GULP1: variants seen among roughly 807,000 people sequenced by gnomAD.
GULP1 encodes PTB domain-containing engulfment adapter protein 1.
Under a neutral mutation model 40.9 loss-of-function variants are expected in GULP1, and 19 were observed. That is an observed-to-expected ratio of 0.46 (90% CI 0.32 to 0.68). The LOEUF (loss-of-function observed/expected upper bound fraction) is 0.68, where lower values mean the gene tolerates loss of function less well. GULP1 is among the 30% of genes least tolerant of loss of function. The probability of loss-of-function intolerance (pLI) is 0.03; values close to 1 mark genes in which losing one functional copy is unlikely to be tolerated. For synonymous variants in GULP1, 119 were observed against 117.6 expected (o/e 1.01, Z -0.08); for missense variants, 312 against 362.2 (o/e 0.86, Z 1.12).
At chr2:188,413,649 G>A (rs1328717682) in intron 2 of GULP1, among the ~76,000 whole-genome samples, 2 of 152,156 alleles carry the variant, frequency 1.3e-5, no homozygotes, top group Non-Finnish European at 1.5e-5. Flanking sequence ...TTTCCTAACA[G>A]CATGTAAGCT....
chr2:188,404,515 C>A (rs535188646), intron 2 of GULP1, among the ~76,000 whole-genome samples: 2 of 152,100 alleles, frequency 1.3e-5, no homozygotes, highest in African/African-American at 4.8e-5. Flanking sequence ...CCCAGGAAAA[C>A]CCAGTGTTGG....
At position 188,333,527 on chromosome 2, in the gene GULP1, C is replaced by G. The variant is rs193270512; in HGVS notation, c.-172+41361C>G. Reference sequence around the variant, plus strand: ...TGTACAGCATCTCTTAATCTGTAAACTCTTATCTTCTCTTTTCTAATCACC... The same window carrying G: ...TGTACAGCATCTCTTAATCTGTAAAGTCTTATCTTCTCTTTTCTAATCACC... On this transcript the variant is annotated intron_variant, in intron 1 of 11. Coordinates refer to ENST00000409830, the MANE Select transcript of GULP1 (RefSeq NM_016315.4). 3.3e-5 allele frequency among the ~76,000 whole-genome samples: 5 copies of G among 152,202 alleles called. No homozygotes were observed. In the East Asian group the frequency reaches 9.7e-4, roughly 30 times the overall value.
intron 2 of GULP1, among the ~76,000 whole-genome samples, chr2:188,406,935 A>G (rs1277081854): frequency 6.6e-6 from 1 of 152,110 alleles, no homozygotes; most frequent in Non-Finnish European, 1.5e-5. Context: ...ATAAATCCAA[A>G]TAAAAGTATA....
At chr2:188,518,111 T>C (rs996701332) in intron 4 of GULP1, among the ~76,000 whole-genome samples, 1 of 152,120 alleles carries the variant, frequency 6.6e-6, no homozygotes, top group Non-Finnish European at 1.5e-5. Context: ...TGGGTTTATA[T>C]ACTAGACTGT....
At chr2:188,508,585 C>G (rs2064168359) in intron 4 of GULP1, among the ~76,000 whole-genome samples, 1 of 151,908 alleles carries the variant, frequency 6.6e-6, no homozygotes, top group South Asian at 2.1e-4. Flanking sequence ...TGTCAGGACC[C>G]CACCATATTT....
At chr2:188,454,438 A>G (rs1449450755) in intron 2 of GULP1, among the ~76,000 whole-genome samples, 2 of 152,164 alleles carry the variant, frequency 1.3e-5, no homozygotes, top group Non-Finnish European at 2.9e-5. Flanking sequence ...AAGGATAGGT[A>G]TATGTAAAAT....
intron 1 of GULP1, among the ~76,000 whole-genome samples, chr2:188,336,464 G>A (rs1239011177): frequency 6.6e-6 from 1 of 152,156 alleles, no homozygotes; most frequent in East Asian, 1.9e-4. Context: ...CATCAAAAAG[G>A]ACAGACAAGA....
chr2:188,323,431 G>A (rs2040284314), intron 1 of GULP1, among the ~76,000 whole-genome samples: 1 of 151,898 alleles, frequency 6.6e-6, no homozygotes, highest in South Asian at 2.1e-4. Flanking sequence ...TCCACTCTTT[G>A]CATGCACAGT....
chr2:188,393,559 G>T (rs1456661953), intron 2 of GULP1, among the ~76,000 whole-genome samples: 7 of 151,924 alleles, frequency 4.6e-5, no homozygotes, highest in African/African-American at 1.4e-4. Flanking sequence ...GGAACATTAA[G>T]GCCATTTATG....
chr2:188,401,698 C>G (rs1359551426), intron 2 of GULP1, among the ~76,000 whole-genome samples: 1 of 152,024 alleles, frequency 6.6e-6, no homozygotes, highest in African/African-American at 2.4e-5. Flanking sequence ...GGTTAAGTAG[C>G]TATTTGAGAA....
At chr2:188,495,974 A>G (rs903875059) in intron 4 of GULP1, among the ~76,000 whole-genome samples, 16 of 151,954 alleles carry the variant, frequency 1.1e-4, no homozygotes, top group Admixed American at 2.6e-4. Context: ...TCAAAATTCA[A>G]CATTATGAAA....
At chr2:188,308,494 G>C (rs1273480084) in intron 1 of GULP1, among the ~76,000 whole-genome samples, 1 of 152,104 alleles carries the variant, frequency 6.6e-6, no homozygotes. Flanking sequence ...TTGTGTGAGA[G>C]AACAAACCCA....
intron 6 of GULP1, 141 bp from the exon 7 acceptor site, chr2:188,541,040 T>C: frequency 1.4e-6 from 1 of 697,908 alleles, no homozygotes; most frequent in Non-Finnish European, 2.4e-6. Flanking sequence ...TGTTTTAGGT[T>C]GGGGTGTACA....
intron 2 of GULP1, among the ~76,000 whole-genome samples, chr2:188,466,804 G>A (rs148107573): frequency 6.6e-6 from 1 of 151,956 alleles, no homozygotes. Flanking sequence ...TGTCTGGTAG[G>A]TATCTCAGAA....
At chr2:188,339,616 A>G (rs983093511) in intron 1 of GULP1, among the ~76,000 whole-genome samples, 1 of 152,214 alleles carries the variant, frequency 6.6e-6, no homozygotes, top group South Asian at 2.1e-4. Flanking sequence ...AAAGAATACC[A>G]TATTTCCTGC....
chr2:188,513,360 G>A (rs968440555), intron 4 of GULP1, among the ~76,000 whole-genome samples: 5 of 151,900 alleles, frequency 3.3e-5, no homozygotes, highest in African/African-American at 9.7e-5. Context: ...TTTTGCTTGG[G>A]AGTCATATTC....
At chr2:188,479,850 G>A (rs1003342773) in intron 3 of GULP1, among the ~76,000 whole-genome samples, 1 of 152,050 alleles carries the variant, frequency 6.6e-6, no homozygotes, top group African/African-American at 2.4e-5. Context: ...GAACACAGTG[G>A]GAGTACAACC....
At position 188,382,166 on chromosome 2, in the gene GULP1, C is replaced by G. The variant is rs377280723; in HGVS notation, c.-171-1597C>G. Among the ~76,000 whole-genome samples the G allele has an allele frequency of 1.4e-4, 22 of 152,284 alleles. 1 individual carries two copies. Among genetic ancestry groups the G allele is most frequent in the East Asian group, 1.2e-3 (6 of 5,178 alleles). On this transcript the variant is annotated intron_variant, in intron 1 of 11. Coordinates refer to ENST00000409830, the MANE Select transcript of GULP1 (RefSeq NM_016315.4). Reference sequence around the variant, plus strand: ...TTTCTAATGCTTATCCTGCATTTCTCTACCTAAGGGATTCTTTGGCCACAA... The same window carrying G: ...TTTCTAATGCTTATCCTGCATTTCTGTACCTAAGGGATTCTTTGGCCACAA...
chr2:188,566,737 G>T (rs1368941736), intron 7 of GULP1, among the ~76,000 whole-genome samples: 1 of 137,998 alleles, frequency 7.2e-6, no homozygotes, highest in East Asian at 2.3e-4. Context: ...GGAGGTTGCA[G>T]TGAGCTGAGA....
Sources: gnomAD v4.1 joint callset for allele counts (sites outside exome capture counted in the v4.1 genomes callset) on GRCh38, gnomAD v4.1.1 for gene constraint, MANE v1.5 for transcripts, NCBI Gene and HGNC (gene_info 2026-07-23, HGNC 2026-07-21) for gene names.